RYR3: variants seen among roughly 807,000 people sequenced by gnomAD.
The protein encoded by RYR3 is ryanodine receptor 3.
RYR3 carries 207 observed loss-of-function variants against 584.3 expected under a neutral mutation model. The observed-to-expected ratio is 0.35, with a 90% confidence interval of 0.32 to 0.40. The LOEUF (loss-of-function observed/expected upper bound fraction) is 0.40. Ranked by LOEUF, RYR3 falls within the 10% of genes least tolerant of loss-of-function variation. The pLI is 1.00. For synonymous variants in RYR3, 2,416 were observed against 2,248.5 expected (o/e 1.07, Z -2.11); for missense variants, 5,616 against 6,089.2 (o/e 0.92, Z 2.59).
intron 47 of RYR3, 59 bp downstream of exon 47, chr15:33,729,085 G>A (rs2068712002): frequency 9.9e-6 from 14 of 1,419,862 alleles, no homozygotes; most frequent in South Asian, 5.1e-5. Flanking sequence ...TAGTAATGTT[G>A]GACTTCGAAG....
In RYR3 at chr15:33,818,599, G is replaced by C; in HGVS notation, c.10621G>C (p.Glu3541Gln). 6.2e-7 allele frequency: 1 copy of C among 1,613,526 alleles called. No individual in the cohort carries two copies. Among genetic ancestry groups the C allele is most frequent in the Non-Finnish European group, 8.5e-7 (1 of 1,179,550 alleles). ...DLAKSPKVEE[E>Q]EEEETEKQPD... ...GTAGAAATCTCCAAAGGTGGAAGAG[G>C]AGGAGGAGGAAGAGACAGAAAAACA... Residue 3541 changes from glutamate (E) to glutamine (Q), a missense_variant, in exon 76 of 104, where the codon GAG becomes CAG. By Grantham distance (29) the Glu-to-Gln change is conservative. Around this residue, in one of 9 missense-constraint regions of RYR3, gnomAD observed 954 missense variants for 1,132.2 expected, o/e 0.84. Transcript: ENST00000634891.
chr15:33,615,930 C>T (rs2060426717), intron 19 of RYR3, among the ~76,000 whole-genome samples: 1 of 152,164 alleles, frequency 6.6e-6, no homozygotes, highest in South Asian at 2.1e-4. Context: ...AGAATGAGTA[C>T]AAATATAAAT....
chr15:33,450,087 TAAAAAAAA>T (rs10647466), intron 1 of RYR3, among the ~76,000 whole-genome samples: 13,287 of 67,358 alleles, frequency 0.2, 1,053 homozygotes, highest in African/African-American at 0.29. Flanking sequence ...CATTAATACC[TAAAAAAAA>T]AAAAAAAAAA....
At chr15:33,321,112 A>G (rs969915133) in intron 1 of RYR3, among the ~76,000 whole-genome samples, 1 of 152,240 alleles carries the variant, frequency 6.6e-6, no homozygotes, top group Non-Finnish European at 1.5e-5. Context: ...CCTCACGTCA[A>G]TAGATGGGCA....
chr15:33,810,835 A>G, intron 71 of RYR3, 143 bp from the exon 72 acceptor site: 2 of 1,071,796 alleles, frequency 1.9e-6, no homozygotes, highest in Non-Finnish European at 2.7e-6. Context: ...GCCCTTTGGG[A>G]CAAATCTCCG....
chr15:33,523,881 CCT>C (rs891608544), intron 3 of RYR3, among the ~76,000 whole-genome samples: 4 of 151,986 alleles, frequency 2.6e-5, no homozygotes, highest in African/African-American at 9.7e-5. Context: ...ATAAAGGCTG[CCT>C]CTCTAGCGTT....
At chr15:33,555,661 A>G (rs2057020862) in intron 10 of RYR3, among the ~76,000 whole-genome samples, 1 of 152,230 alleles carries the variant, frequency 6.6e-6, no homozygotes. Flanking sequence ...TGAAAATTAA[A>G]TGAGACCAGG....
chr15:33,862,482 C>T (rs148751861), intron 102 of RYR3, among the ~76,000 whole-genome samples: 124 of 152,276 alleles, frequency 8.1e-4, no homozygotes, highest in Non-Finnish European at 1.6e-3. Flanking sequence ...GCTGGGATTA[C>T]GGGTGTGAGC....
At chr15:33,837,550 C>G (rs1046981336) in intron 88 of RYR3, 81 bp from the exon 89 acceptor site, 13 of 1,441,834 alleles carry the variant, frequency 9.0e-6, no homozygotes, top group Non-Finnish European at 1.0e-5. Flanking sequence ...CAAAAGTCTT[C>G]TAAAAATAGC....
rs1036646522 is a variant in RYR3, at chr15:33,505,071, T to C, written c.279+1333T>C. Among the ~76,000 whole-genome samples the C allele has an allele frequency of 2.0e-5, 3 of 152,212 alleles. No individual in the cohort carries two copies. In the East Asian group the frequency reaches 5.8e-4, roughly 29 times the overall value. On this transcript the variant is annotated intron_variant, in intron 3 of 103. Transcript: ENST00000634891. ...TACACTGTCTGTGGGTAGAAACTGT[T>C]TGCAGTTACCTAGTAGCACAGTTTG...
chr15:33,582,967 C>G (rs962818127), intron 14 of RYR3, among the ~76,000 whole-genome samples: 1 of 152,198 alleles, frequency 6.6e-6, no homozygotes, highest in African/African-American at 2.4e-5. Flanking sequence ...TGCGTCTACT[C>G]TTTTTGCCCT....
rs61743359 is a variant in RYR3 at position 33,390,844 on chromosome 15, G to A, written c.51+79748G>A. On this transcript the variant is annotated intron_variant, in intron 1 of 103. Transcript: ENST00000634891. The surrounding 1 kb of genome is among the most constrained non-coding windows in gnomAD (Gnocchi z 4.2). ...CTCCATAATGGGATCCCCAGGCAGA[G>A]ACATTGCACACAGTACTGTACTTTC... Among the ~76,000 whole-genome samples, 3,387 of 152,240 alleles carry A rather than the reference G, an allele frequency of 0.022. 123 individuals carry two copies. Among genetic ancestry groups the A allele is most frequent in the African/African-American group, 0.077 (3,190 of 41,504 alleles).
chr15:33,346,395 T>C (rs531088466), intron 1 of RYR3, among the ~76,000 whole-genome samples: 7 of 152,358 alleles, frequency 4.6e-5, no homozygotes, highest in Admixed American at 3.9e-4. Flanking sequence ...AATTCTCTTC[T>C]CCTTATTATT....
intron 27 of RYR3, among the ~76,000 whole-genome samples, chr15:33,640,051 G>GT (rs1372731593): frequency 6.6e-6 from 1 of 152,072 alleles, no homozygotes; most frequent in African/African-American, 2.4e-5. Context: ...CTCCCCTGAG[G>GT]GACATGCTGC....
chr15:33,778,615 G>A (rs1440589866), intron 64 of RYR3, among the ~76,000 whole-genome samples: 1 of 152,238 alleles, frequency 6.6e-6, no homozygotes, highest in African/African-American at 2.4e-5. Context: ...CTGGCCTGGG[G>A]CCTGCCCAGA....
chr15:33,471,651 TTTG>T (rs2048942639), intron 1 of RYR3, among the ~76,000 whole-genome samples: 1 of 151,818 alleles, frequency 6.6e-6, no homozygotes, highest in African/African-American at 2.4e-5. Flanking sequence ...ATGCCTGAGT[TTTG>T]TTGTTGTTGC....
Position 33,366,342 on chromosome 15 carries a change from A to T in RYR3, c.51+55246A>T, listed in dbSNP as rs374495764. Among the ~76,000 whole-genome samples, 6 of 152,300 alleles carry T rather than the reference A, an allele frequency of 3.9e-5. 1 individual carries two copies. The highest frequency in any genetic ancestry group is 1.4e-4 in the African/African-American group (6 of 41,566). On this transcript the variant is annotated intron_variant, in intron 1 of 103. Coordinates refer to ENST00000634891, the MANE Select transcript of RYR3 (RefSeq NM_001036.6). ...TTCATCAGTGAATTAGGTAAAGTTC[A>T]AAAAGACATGCTTATCAAGCTGCAG...
At chr15:33,634,529 G>A in intron 24 of RYR3, 57 bp from the exon 25 acceptor site, 1 of 1,579,602 alleles carries the variant, frequency 6.3e-7, no homozygotes, top group Non-Finnish European at 8.7e-7. Flanking sequence ...TGAATAGGGT[G>A]AGCTGTGGTG....
At chr15:33,456,729 C>T (rs2047593667) in intron 1 of RYR3, among the ~76,000 whole-genome samples, 1 of 152,176 alleles carries the variant, frequency 6.6e-6, no homozygotes, top group Non-Finnish European at 1.5e-5. Context: ...ATGAGTGTTA[C>T]TTTCACCTAT....
Sources: gnomAD v4.1 joint callset for allele counts (sites outside exome capture counted in the v4.1 genomes callset) on GRCh38, gnomAD v4.1.1 for gene constraint, gnomAD v4.1.1 regional missense constraint, Gnocchi (gnomAD v3.1) non-coding constraint, MANE v1.5 for transcripts, NCBI Gene and HGNC (gene_info 2026-07-23, HGNC 2026-07-21) for gene names.